The following RAPGEF5 variants were observed in gnomAD, a reference collection of about 807,000 sequenced individuals.
RAPGEF5 encodes M-Ras-regulated GEF.
In RAPGEF5, 65 loss-of-function variants were observed where a neutral mutation model predicts 125.2. The observed-to-expected ratio is 0.52, with a 90% CI of 0.43 to 0.64. RAPGEF5 has a LOEUF of 0.64. Among genes scored for constraint, RAPGEF5 ranks in the 30% least tolerant of loss-of-function variants. The pLI, the probability that RAPGEF5 is intolerant of heterozygous loss-of-function variation, is 0.00. For missense variants in RAPGEF5, 958 were observed against 1,048.1 expected (o/e 0.91, Z 1.19); for synonymous variants, 391 against 385.9 (o/e 1.01, Z -0.16).
At chr7:22,130,952 TA>T (rs1327947540) in intron 24 of RAPGEF5, 84 bp downstream of exon 24, 1 of 1,500,572 alleles carries the variant, frequency 6.7e-7, no homozygotes, top group Non-Finnish European at 8.9e-7. Flanking sequence ...AGAAAAGTAC[TA>T]AAACTATTTA....
chr7:22,142,515 GA>G (rs1783296334), intron 20 of RAPGEF5, among the ~76,000 whole-genome samples: 1 of 151,272 alleles, frequency 6.6e-6, no homozygotes, highest in African/African-American at 2.4e-5. Context: ...ATATTTTAAG[GA>G]AAAAAACCCA....
Position 22,120,162 on chromosome 7 carries a change from T to C in RAPGEF5, c.*2244A>G, listed in dbSNP as rs942037882. On this transcript the variant is annotated 3_prime_UTR_variant, in exon 26 of 26. Coordinates refer to ENST00000665637, the MANE Select transcript of RAPGEF5 (RefSeq NM_012294.5). The surrounding 1 kb of genome is among the most constrained non-coding windows in gnomAD (Gnocchi z 4.0). Reference sequence around the variant, plus strand: ...AATCCTCCCTTCCCTCTGCTACCCCTAGGACCACCTAACCACGGCTGGAGG... The same window carrying C: ...AATCCTCCCTTCCCTCTGCTACCCCCAGGACCACCTAACCACGGCTGGAGG... 1 of 152,182 alleles carries C rather than the reference T, an allele frequency of 6.6e-6. No individual in the cohort carries two copies. Among genetic ancestry groups the C allele is most frequent in the Non-Finnish European group, 1.5e-5 (1 of 68,030 alleles). 9.4% of individuals were successfully genotyped at this position (152,182 alleles called of 1,614,324 possible).
intron 10 of RAPGEF5, 190 bp from the exon 11 acceptor site, chr7:22,193,645 A>G (rs1438996426): frequency 6.4e-7 from 1 of 1,550,770 alleles, no homozygotes; most frequent in Admixed American, 2.0e-5. Flanking sequence ...AAAGACCCTC[A>G]GCCGGGAGCT....
intron 5 of RAPGEF5, among the ~76,000 whole-genome samples, chr7:22,305,006 A>G (rs559003875): frequency 1.2e-3 from 180 of 152,332 alleles, no homozygotes; most frequent in African/African-American, 4.2e-3. Flanking sequence ...GCTTCTGTTT[A>G]TAATTTTATA....
At chr7:22,352,233 A>G (rs1179935694) in intron 1 of RAPGEF5, among the ~76,000 whole-genome samples, 1 of 152,232 alleles carries the variant, frequency 6.6e-6, no homozygotes, top group African/African-American at 2.4e-5. Context: ...GTATATACAG[A>G]AAAAGGGAAT....
chr7:22,227,003 A>C (rs1183411641), intron 8 of RAPGEF5, among the ~76,000 whole-genome samples: 2 of 151,970 alleles, frequency 1.3e-5, no homozygotes, highest in African/African-American at 4.8e-5. Flanking sequence ...TCTGATTAAA[A>C]TCAAAATATA....
At chr7:22,175,342 A>T (rs761339951) in intron 11 of RAPGEF5, among the ~76,000 whole-genome samples, 1 of 152,186 alleles carries the variant, frequency 6.6e-6, no homozygotes, top group Non-Finnish European at 1.5e-5. Context: ...GGATATTCTG[A>T]TAATCAGTGG....
At chr7:22,205,094 T>C (rs1304027413) in intron 9 of RAPGEF5, among the ~76,000 whole-genome samples, 8 of 152,146 alleles carry the variant, frequency 5.3e-5, no homozygotes, top group Admixed American at 4.6e-4. Context: ...TTCCTGAATA[T>C]TAATGTGCAC....
At chr7:22,156,147 T>C (rs1180256274) in intron 16 of RAPGEF5, among the ~76,000 whole-genome samples, 3 of 152,220 alleles carry the variant, frequency 2.0e-5, no homozygotes, top group Non-Finnish European at 4.4e-5. Context: ...TTTCAGCATA[T>C]GAAGAAAGAT....
Position 22,335,707 on chromosome 7 carries a change from AC to A in RAPGEF5, c.232-17671del, listed in dbSNP as rs1562534796. Among the ~76,000 whole-genome samples the A allele has an allele frequency of 6.4e-3, 436 of 68,234 alleles. 5 individuals are homozygous for A. The highest frequency in any genetic ancestry group is 0.014 in the African/African-American group (283 of 19,820). 44.8% of individuals were successfully genotyped at this position (68,234 alleles called of 152,430 possible). A position where few individuals can be genotyped will look rare whatever the true frequency, so the allele number is the denominator to read the frequency against. The stretch of plus-strand genomic sequence containing the variant: ...AGAAACAAGCAAAAAAAAAAAAACA[AC>A]AAAACAACAACAACAACAACAACGA... On this transcript the variant is annotated intron_variant, in intron 1 of 25. Coordinates refer to ENST00000665637, the MANE Select transcript of RAPGEF5 (RefSeq NM_012294.5).
At chr7:22,301,009 A>C (rs1246659146) in intron 5 of RAPGEF5, among the ~76,000 whole-genome samples, 1 of 152,230 alleles carries the variant, frequency 6.6e-6, no homozygotes, top group Non-Finnish European at 1.5e-5. Context: ...ACGCTGGGAA[A>C]TAAAAGAAAC....
At chr7:22,258,796 A>G (rs1366620674) in intron 7 of RAPGEF5, among the ~76,000 whole-genome samples, 1 of 152,088 alleles carries the variant, frequency 6.6e-6, no homozygotes, top group African/African-American at 2.4e-5. Flanking sequence ...CTGGATATCC[A>G]CATGCAAAAG....
In RAPGEF5 at chr7:22,229,372, CG is replaced by C. The variant is rs1435777580; in HGVS notation, c.870+1473del. On this transcript the variant is annotated intron_variant, in intron 8 of 25. Coordinates refer to ENST00000665637, the MANE Select transcript of RAPGEF5 (RefSeq NM_012294.5). ...CAGCAGCCTAGAGGCACATTCCCCA[CG>C]GTAACATATTTCATCATCTATGCGG... is the stretch of plus-strand genomic sequence containing the variant. Among the ~76,000 whole-genome samples, 4 of 152,130 alleles carry C rather than the reference CG, an allele frequency of 2.6e-5. No homozygotes were observed. In the East Asian group the frequency reaches 7.7e-4, roughly 29 times the overall value.
chr7:22,288,147 T>C (rs761137172), intron 6 of RAPGEF5, among the ~76,000 whole-genome samples: 6 of 152,198 alleles, frequency 3.9e-5, no homozygotes, highest in Admixed American at 2.0e-4. Context: ...GTCTTTTGAA[T>C]GTGACCTTCA....
intron 7 of RAPGEF5, among the ~76,000 whole-genome samples, chr7:22,252,606 T>C (rs934422141): frequency 2.0e-5 from 3 of 152,246 alleles, no homozygotes; most frequent in African/African-American, 7.2e-5. Context: ...TCTAACTTCT[T>C]ATACTCACTA....
chr7:22,254,989 T>C (rs537083982), intron 7 of RAPGEF5, among the ~76,000 whole-genome samples: 10 of 152,224 alleles, frequency 6.6e-5, no homozygotes, highest in East Asian at 5.8e-4. Flanking sequence ...CGACCAGAGA[T>C]TGGGGACCCC....
Position 22,122,378 on chromosome 7 carries a change from A to T in RAPGEF5, c.*28T>A. The T allele has an allele frequency of 6.5e-7, 1 of 1,534,030 alleles. No individual in the cohort carries two copies. On this transcript the variant is annotated 3_prime_UTR_variant, in exon 26 of 26. Coordinates refer to ENST00000665637, the MANE Select transcript of RAPGEF5 (RefSeq NM_012294.5). ...ACATTCCCGTAGCTCAAAGTGCTGC[A>T]GATACAGGGGAGGTGAGGCAGTGGG...
At chr7:22,230,960 C>CA in intron 7 of RAPGEF5, 41 bp from the exon 8 acceptor site, 1 of 1,517,228 alleles carries the variant, frequency 6.6e-7, no homozygotes, top group Non-Finnish European at 8.9e-7. Flanking sequence ...TATCATCATA[C>CA]AAAAAATGCT....
At chr7:22,213,842 T>C (rs1447267767) in intron 9 of RAPGEF5, among the ~76,000 whole-genome samples, 2 of 152,248 alleles carry the variant, frequency 1.3e-5, no homozygotes, top group Admixed American at 6.5e-5. Context: ...AAACTTCAAA[T>C]AATGCTGGGA....
Sources: allele counts gnomAD v4.1 joint callset (sites outside exome capture counted in the v4.1 genomes callset), GRCh38; gene constraint gnomAD v4.1.1; non-coding constraint Gnocchi (gnomAD v3.1); transcripts MANE v1.5; gene names NCBI Gene and HGNC (gene_info 2026-07-23, HGNC 2026-07-21).